Variants in ROBO2 observed in about 807,000 individuals in gnomAD.
ROBO2 encodes the protein roundabout homolog 2.
ROBO2 carries 53 observed loss-of-function variants against 160.8 expected under a neutral mutation model. The observed-to-expected ratio is 0.33, with a 90% CI of 0.26 to 0.41. The LOEUF (loss-of-function observed/expected upper bound fraction) is 0.41, where lower values mean the gene tolerates loss of function less well. Ranked by LOEUF, ROBO2 falls within the 10% of genes least tolerant of loss-of-function variation. The pLI, the probability that ROBO2 is intolerant of heterozygous loss-of-function variation, is 1.00. For missense variants in ROBO2, 1,577 were observed against 1,722.4 expected (o/e 0.92, Z 1.49); for synonymous variants, 664 against 611.7 (o/e 1.09, Z -1.26).
intron 2 of ROBO2, among the ~76,000 whole-genome samples, chr3:76,835,608 G>T (rs1324232640): frequency 6.6e-6 from 1 of 151,474 alleles, no homozygotes; most frequent in Non-Finnish European, 1.5e-5. Flanking sequence ...AGTCTTAATT[G>T]TACTTTCTCC....
chr3:76,004,731 A>G (rs1349139906), intron 2 of ROBO2, among the ~76,000 whole-genome samples: 3 of 152,324 alleles, frequency 2.0e-5, no homozygotes, highest in East Asian at 3.9e-4. Context: ...TTAGATTTCA[A>G]CATAAAATTT....
At chr3:77,103,180 C>T (rs1274003904) in intron 2 of ROBO2, among the ~76,000 whole-genome samples, 1 of 152,130 alleles carries the variant, frequency 6.6e-6, no homozygotes, top group Non-Finnish European at 1.5e-5. Flanking sequence ...GCAGCTGTAG[C>T]CCCAGGTGGC....
At chr3:76,824,114 A>G (rs1490565456) in intron 2 of ROBO2, among the ~76,000 whole-genome samples, 1 of 152,158 alleles carries the variant, frequency 6.6e-6, no homozygotes, top group Non-Finnish European at 1.5e-5. Context: ...GTCACCCCAT[A>G]TCTGGGTTCC....
rs368054384 is a variant in ROBO2, at chr3:76,517,755, C to T, written c.109+580153C>T. Among the ~76,000 whole-genome samples, 41 of 152,138 alleles carry T rather than the reference C, an allele frequency of 2.7e-4. 1 individual carries two copies. The highest frequency in any genetic ancestry group is 2.5e-3 in the South Asian group (12 of 4,824). On this transcript the variant is annotated intron_variant, in intron 2 of 26. Transcript: ENST00000487694. ...ACACATCTGGGATATAAACCAGTAG[C>T]CTGGTTGGACTATATACTTGAAGTC...
chr3:77,611,857 C>G (rs1464438737), intron 21 of ROBO2, among the ~76,000 whole-genome samples: 1 of 151,944 alleles, frequency 6.6e-6, no homozygotes, highest in African/African-American at 2.4e-5. Context: ...TGTATTAATC[C>G]CTAGCTATAA....
chr3:76,761,415 C>A (rs2061300933), intron 2 of ROBO2, among the ~76,000 whole-genome samples: 1 of 151,678 alleles, frequency 6.6e-6, no homozygotes, highest in African/African-American at 2.4e-5. Flanking sequence ...AGCTGCCTCG[C>A]CATCCTGTTG....
chr3:77,105,920 A>G (rs533770443), intron 2 of ROBO2, among the ~76,000 whole-genome samples: 2 of 152,326 alleles, frequency 1.3e-5, no homozygotes, highest in South Asian at 4.1e-4. Context: ...TCATAGTGAT[A>G]CTAAGAGTTC....
chr3:77,264,552 C>A (rs145391688), intron 2 of ROBO2, among the ~76,000 whole-genome samples: 15 of 151,384 alleles, frequency 9.9e-5, no homozygotes, highest in South Asian at 2.1e-4. Context: ...TTTTTTAATT[C>A]TAAAAAAGAT....
chr3:77,156,678 C>G (rs7429652), intron 2 of ROBO2, among the ~76,000 whole-genome samples: 60,582 of 150,862 alleles, frequency 0.4, 12,942 homozygotes, highest in Middle Eastern at 0.54. Context: ...ATAAAATATA[C>G]TTCATTTAAT....
intron 2 of ROBO2, among the ~76,000 whole-genome samples, chr3:76,152,043 CT>C (rs1362801069): frequency 6.6e-6 from 1 of 152,160 alleles, no homozygotes; most frequent in Non-Finnish European, 1.5e-5. Context: ...TGTGAAACTA[CT>C]AAATTTTTCT....
chr3:77,026,216 C>T (rs1440678749), intron 2 of ROBO2, among the ~76,000 whole-genome samples: 1 of 152,038 alleles, frequency 6.6e-6, no homozygotes, highest in Non-Finnish European at 1.5e-5. Flanking sequence ...TAAATTTTGA[C>T]CTTTGTGATA....
At chr3:76,613,038 CATTTTTGTTTTA>C (rs1263637290) in intron 2 of ROBO2, among the ~76,000 whole-genome samples, 2 of 151,936 alleles carry the variant, frequency 1.3e-5, no homozygotes, top group Admixed American at 6.6e-5. Flanking sequence ...ATTTTGTTTT[CATTTTTGTTTTA>C]ATTCATTCAG....
intron 2 of ROBO2, among the ~76,000 whole-genome samples, chr3:77,215,785 T>A (rs1387352246): frequency 6.6e-6 from 1 of 152,152 alleles, no homozygotes; most frequent in Non-Finnish European, 1.5e-5. Context: ...TGTTTGTTAG[T>A]TTTTCTTCTA....
chr3:76,411,036 G>T (rs777250064), intron 2 of ROBO2, among the ~76,000 whole-genome samples: 1 of 151,842 alleles, frequency 6.6e-6, no homozygotes, highest in African/African-American at 2.4e-5. Flanking sequence ...TTAATGATAG[G>T]TTATCATGAA....
chr3:77,158,996 CAG>C (rs2078260350), intron 2 of ROBO2, among the ~76,000 whole-genome samples: 4 of 152,112 alleles, frequency 2.6e-5, no homozygotes, highest in Admixed American at 2.0e-4. Context: ...GGCCAGCTGA[CAG>C]AGAGGCAAGT....
chr3:77,388,443 A>T (rs1457452249), intron 2 of ROBO2, among the ~76,000 whole-genome samples: 1 of 151,934 alleles, frequency 6.6e-6, no homozygotes, highest in Non-Finnish European at 1.5e-5. Flanking sequence ...CAAATGAAAA[A>T]CTATGTTGGG....
chr3:76,094,592 C>A (rs1231938635), intron 2 of ROBO2, among the ~76,000 whole-genome samples: 2 of 152,142 alleles, frequency 1.3e-5, no homozygotes, highest in African/African-American at 4.8e-5. Context: ...TTAGAATGTG[C>A]AATTATGTTA....
intron 22 of ROBO2, among the ~76,000 whole-genome samples, chr3:77,621,784 A>G (rs2094905878): frequency 6.6e-6 from 1 of 152,282 alleles, no homozygotes; most frequent in African/African-American, 2.4e-5. Context: ...AGGGGATATT[A>G]GGTCCTCATG....
intron 2 of ROBO2, among the ~76,000 whole-genome samples, chr3:77,309,523 T>G (rs748990045): frequency 6.6e-6 from 1 of 152,234 alleles, no homozygotes; most frequent in Non-Finnish European, 1.5e-5. Context: ...AGCCACTGTG[T>G]GATAATGAAA....
Sources: gnomAD v4.1 joint callset for allele counts (sites outside exome capture counted in the v4.1 genomes callset) on GRCh38, gnomAD v4.1.1 for gene constraint, MANE v1.5 for transcripts, NCBI Gene and HGNC (gene_info 2026-07-23, HGNC 2026-07-21) for gene names.